Variants in ANKS1B observed in about 807,000 individuals in gnomAD.
The protein encoded by ANKS1B is ankyrin repeat and sterile alpha motif domain containing 1B, also known as ankyrin repeat and sterile alpha motif domain-containing protein 1B.
Under a neutral mutation model 148.3 loss-of-function variants are expected in ANKS1B, and 36 were observed. The ratio of observed to expected loss-of-function variants is 0.24; its 90% CI spans 0.19 to 0.32. The LOEUF is 0.32. Ranked by LOEUF, ANKS1B falls within the 10% of genes least tolerant of loss-of-function variation. The pLI, the probability that ANKS1B is intolerant of heterozygous loss-of-function variation, is 1.00. For synonymous variants in ANKS1B, 542 were observed against 560.8 expected, an observed-to-expected ratio of 0.97 and a Z score of 0.47; for missense variants, 1,157 against 1,542.6, an observed-to-expected ratio of 0.75 and a Z score of 4.19.
intron 9 of ANKS1B, chr12:99,648,351 G>A (rs1203560794): frequency 1.9e-6 from 3 of 1,614,176 alleles, no homozygotes; most frequent in Non-Finnish European, 1.7e-6. Flanking sequence ...GAGGAGAAGT[G>A]ATTGACGTGC....
intron 9 of ANKS1B, among the ~76,000 whole-genome samples, chr12:99,619,945 G>C (rs1324270939): frequency 6.6e-6 from 1 of 152,132 alleles, no homozygotes; most frequent in Non-Finnish European, 1.5e-5. Context: ...TCAGACCACT[G>C]TGCACTCCAC....
rs1465024133 is a variant in ANKS1B, at chr12:99,246,493, C to G, written c.2128G>C (p.Val710Leu). The G allele has an allele frequency of 2.5e-6, 4 of 1,613,734 alleles. No homozygotes were observed. In the Admixed American group the frequency reaches 6.7e-5, roughly 27 times the overall value. ...CTCCCCAGAGTACAGGCTCTCTCCA[C>G]AAATCCCCCTGCGTTCATAACCCAC... ...DQWVMNAGGF[V>L]ERACTLGRIR... The change falls in exon 13 of 27, where the codon GTG (valine) becomes CTG (leucine). Residue 710 changes from valine (V) to leucine (L), a missense_variant. Physicochemically the swap from Val to Leu is conservative, Grantham distance 32 (BLOSUM62 1). Transcript: ENST00000683438.
In ANKS1B at chr12:99,806,439, C is replaced by T. The variant is rs769897476; in HGVS notation, c.634G>A (p.Val212Met). ...ACATCCATTCCTGCCTCCAGCAGCA[C>T]CTGCACGACTGCTTTGTGGCCATTG... ...ARNGHKAVVQ[V>M]LLEAGMDVSC... Residue 212 changes from valine to methionine, a missense_variant, in exon 4 of 27, where the codon GTG becomes ATG. Coordinates refer to ENST00000683438, the MANE Select transcript of ANKS1B (RefSeq NM_001352186.2). 11 of 1,613,976 alleles carry T rather than the reference C, an allele frequency of 6.8e-6. 1 individual carries two copies. The highest frequency in any genetic ancestry group is 1.1e-5 in the South Asian group (1 of 91,090).
chr12:99,123,949 T>C (rs1481096409), intron 15 of ANKS1B, among the ~76,000 whole-genome samples: 2 of 152,110 alleles, frequency 1.3e-5, no homozygotes, highest in African/African-American at 4.8e-5. Context: ...ATTGTAACCA[T>C]CACAATTGGA....
intron 17 of ANKS1B, among the ~76,000 whole-genome samples, chr12:98,863,952 A>C (rs2099612096): frequency 6.6e-6 from 1 of 152,184 alleles, no homozygotes; most frequent in Non-Finnish European, 1.5e-5. Context: ...CCTTAGACAT[A>C]AACACGAGTT....
At chr12:99,379,907 A>G (rs1012064251) in intron 12 of ANKS1B, among the ~76,000 whole-genome samples, 12 of 152,240 alleles carry the variant, frequency 7.9e-5, no homozygotes, top group Non-Finnish European at 1.6e-4. Context: ...ATACCATCAA[A>G]TAGCACTAAT....
chr12:99,710,481 A>G (rs2056476246), intron 8 of ANKS1B, among the ~76,000 whole-genome samples: 2 of 152,144 alleles, frequency 1.3e-5, no homozygotes, highest in African/African-American at 4.8e-5. Flanking sequence ...GACTTCACTG[A>G]GATCTCAAGT....
chr12:98,812,338 G>C (rs1467816051), intron 19 of ANKS1B, among the ~76,000 whole-genome samples: 1 of 152,176 alleles, frequency 6.6e-6, no homozygotes, highest in Non-Finnish European at 1.5e-5. Flanking sequence ...ATGCTGTACA[G>C]GTTGGGAGGA....
intron 9 of ANKS1B, among the ~76,000 whole-genome samples, chr12:99,654,017 A>G (rs1394384910): frequency 6.6e-6 from 1 of 152,178 alleles, no homozygotes; most frequent in African/African-American, 2.4e-5. Context: ...CTGAGCATCA[A>G]AAGGTTGAAT....
intron 9 of ANKS1B, among the ~76,000 whole-genome samples, chr12:99,548,963 A>G (rs1471780043): frequency 2.6e-5 from 4 of 152,196 alleles, no homozygotes; most frequent in Admixed American, 2.6e-4. Context: ...TGATTAATGC[A>G]ATAATGGAGA....
At chr12:99,587,188 C>A (rs2153232625) in intron 9 of ANKS1B, among the ~76,000 whole-genome samples, 1 of 152,292 alleles carries the variant, frequency 6.6e-6, no homozygotes, top group Non-Finnish European at 1.5e-5. Flanking sequence ...GTTCCTGCCA[C>A]ATACATGAAG....
chr12:99,464,244 G>A (rs1056012427), intron 10 of ANKS1B, among the ~76,000 whole-genome samples: 28 of 152,190 alleles, frequency 1.8e-4, no homozygotes, highest in East Asian at 7.7e-4. Context: ...GTCTGTTAGA[G>A]GGAAAACTAA....
At chr12:99,065,047 T>C (rs1421824539) in intron 16 of ANKS1B, among the ~76,000 whole-genome samples, 1 of 152,146 alleles carries the variant, frequency 6.6e-6, no homozygotes. Context: ...TTACTGCAAC[T>C]AGAATAAGGC....
At chr12:99,128,661 A>G (rs1308972901) in intron 15 of ANKS1B, among the ~76,000 whole-genome samples, 1 of 152,140 alleles carries the variant, frequency 6.6e-6, no homozygotes, top group Non-Finnish European at 1.5e-5. Flanking sequence ...GATGTTTCTG[A>G]CCTGGTTCAC....
intron 11 of ANKS1B, among the ~76,000 whole-genome samples, chr12:99,412,039 G>C (rs1028774818): frequency 3.3e-5 from 5 of 151,908 alleles, no homozygotes; most frequent in Non-Finnish European, 5.9e-5. Flanking sequence ...TTAACTTTTG[G>C]TGTGATTATG....
intron 1 of ANKS1B, among the ~76,000 whole-genome samples, chr12:99,831,724 T>A (rs144361859): frequency 2.6e-5 from 4 of 152,104 alleles, no homozygotes; most frequent in African/African-American, 9.7e-5. Flanking sequence ...CAGGGTTTTT[T>A]TTTTTTAGCT....
At chr12:99,329,566 T>C (rs2087108356) in intron 12 of ANKS1B, among the ~76,000 whole-genome samples, 1 of 151,902 alleles carries the variant, frequency 6.6e-6, no homozygotes. Flanking sequence ...ACAGTATATG[T>C]AGTATGCATT....
At chr12:99,524,566 G>C (rs2096907777) in intron 9 of ANKS1B, among the ~76,000 whole-genome samples, 1 of 152,154 alleles carries the variant, frequency 6.6e-6, no homozygotes, top group Admixed American at 6.6e-5. Context: ...TGGTTTTGGA[G>C]CTTGAAGTTA....
intron 1 of ANKS1B, among the ~76,000 whole-genome samples, chr12:99,879,185 T>C (rs900146733): frequency 6.6e-6 from 1 of 152,198 alleles, no homozygotes; most frequent in Non-Finnish European, 1.5e-5. Context: ...AGAGTTTTTC[T>C]CTGAAGCATG....
Sources: allele counts gnomAD v4.1 joint callset (sites outside exome capture counted in the v4.1 genomes callset), GRCh38; gene constraint gnomAD v4.1.1; transcripts MANE v1.5; gene names NCBI Gene and HGNC (gene_info 2026-07-23, HGNC 2026-07-21).